SNTG1: variants seen among roughly 807,000 people sequenced by gnomAD.
The protein encoded by SNTG1 is syntrophin gamma 1.
Under a neutral mutation model 74.7 loss-of-function variants are expected in SNTG1, and 39 were observed. The observed-to-expected ratio is 0.52, with a 90% CI of 0.40 to 0.68. SNTG1 has a LOEUF of 0.68. SNTG1 is among the 30% of genes least tolerant of loss of function. The pLI is 0.00. For missense variants in SNTG1, 685 were observed against 609.5 expected, an observed-to-expected ratio of 1.12 and a Z score of -1.30; for synonymous variants, 254 against 217.1, an observed-to-expected ratio of 1.17 and a Z score of -1.49.
chr8:50,481,542 G>A (rs930022646), intron 8 of SNTG1, among the ~76,000 whole-genome samples: 1 of 152,148 alleles, frequency 6.6e-6, no homozygotes, highest in Non-Finnish European at 1.5e-5. Flanking sequence ...TTAGTGAGTA[G>A]CAAATAATTA....
At chr8:50,068,583 G>A (rs187119349) in intron 1 of SNTG1, among the ~76,000 whole-genome samples, 27 of 152,176 alleles carry the variant, frequency 1.8e-4, no homozygotes, top group Admixed American at 6.5e-5. Flanking sequence ...AGGTTTTCCA[G>A]TCGCATGGAG....
At chr8:49,993,611 T>C (rs1165448714) in intron 1 of SNTG1, among the ~76,000 whole-genome samples, 2 of 101,486 alleles carry the variant, frequency 2.0e-5, no homozygotes, top group Admixed American at 2.2e-4. Flanking sequence ...CCTGTGTCCA[T>C]GTGTTCTCAT....
chr8:50,243,461 T>C (rs1476469954), intron 2 of SNTG1, among the ~76,000 whole-genome samples: 3 of 152,168 alleles, frequency 2.0e-5, no homozygotes, highest in Non-Finnish European at 4.4e-5. Context: ...ACTGTATCCA[T>C]CTTAGAAATA....
chr8:50,296,854 A>T (rs1055193739), intron 2 of SNTG1, among the ~76,000 whole-genome samples: 1 of 152,332 alleles, frequency 6.6e-6, no homozygotes, highest in African/African-American at 2.4e-5. Context: ...TGGGCATTAC[A>T]TCACATTTGA....
intron 1 of SNTG1, among the ~76,000 whole-genome samples, chr8:50,048,531 T>A (rs1462134093): frequency 6.6e-6 from 1 of 152,186 alleles, no homozygotes; most frequent in Non-Finnish European, 1.5e-5. Flanking sequence ...CTTAAATACT[T>A]TGATTTTTAA....
At position 50,150,404 on chromosome 8, in the gene SNTG1, G is replaced by T. The variant is rs1474690265; in HGVS notation, c.-102-22157G>T. On this transcript the variant is annotated intron_variant, in intron 1 of 18. Transcript: ENST00000642720. ...CTTTATTTCTTTCTCCTTCCTGATT[G>T]CCCTGGCCAGAACTTCCAACACTAT... Among the ~76,000 whole-genome samples, 3 of 152,176 alleles carry T rather than the reference G, an allele frequency of 2.0e-5. No individual in the cohort carries two copies. In the East Asian group the frequency reaches 5.8e-4, roughly 29 times the overall value.
intron 2 of SNTG1, among the ~76,000 whole-genome samples, chr8:50,177,188 A>G (rs531787402): frequency 1.1e-4 from 17 of 152,354 alleles, no homozygotes; most frequent in African/African-American, 4.1e-4. Context: ...TCAAAGCTGC[A>G]GAACAGAATT....
At chr8:50,189,249 A>T (rs1006646237) in intron 2 of SNTG1, among the ~76,000 whole-genome samples, 2 of 152,136 alleles carry the variant, frequency 1.3e-5, no homozygotes, top group South Asian at 2.1e-4. Context: ...GAAATATAGT[A>T]CTTTTTATTG....
intron 2 of SNTG1, among the ~76,000 whole-genome samples, chr8:50,252,404 C>A (rs2086682259): frequency 6.6e-6 from 1 of 151,860 alleles, no homozygotes; most frequent in Admixed American, 6.6e-5. Context: ...TTCATAAGAT[C>A]AACTAAACAA....
chr8:50,123,950 G>T (rs371319297), intron 1 of SNTG1, among the ~76,000 whole-genome samples: 1 of 142,016 alleles, frequency 7.0e-6, no homozygotes, highest in East Asian at 2.0e-4. Context: ...ATAATATAGG[G>T]TTTTCAGTGT....
chr8:50,294,444 T>C (rs1411393821), intron 2 of SNTG1, among the ~76,000 whole-genome samples: 1 of 152,220 alleles, frequency 6.6e-6, no homozygotes, highest in Non-Finnish European at 1.5e-5. Context: ...CATATAATTA[T>C]GGATACTGGC....
At chr8:50,324,952 TATATATA>T (rs2090680216) in intron 2 of SNTG1, among the ~76,000 whole-genome samples, 1 of 145,552 alleles carries the variant, frequency 6.9e-6, no homozygotes, top group South Asian at 2.1e-4. Flanking sequence ...TATATATATA[TATATATA>T]TATATATATA....
chr8:50,705,360 T>C (rs2131533900), intron 16 of SNTG1, among the ~76,000 whole-genome samples: 1 of 152,330 alleles, frequency 6.6e-6, no homozygotes, highest in East Asian at 1.9e-4. Context: ...AACTAATCAA[T>C]TGTATTCATA....
At chr8:50,640,267 C>T (rs572989027) in intron 13 of SNTG1, among the ~76,000 whole-genome samples, 1 of 152,074 alleles carries the variant, frequency 6.6e-6, no homozygotes, top group African/African-American at 2.4e-5. Flanking sequence ...TTCTTCCCTC[C>T]CCACTGTCCT....
At chr8:50,094,299 T>C (rs1464368222) in intron 1 of SNTG1, among the ~76,000 whole-genome samples, 2 of 152,154 alleles carry the variant, frequency 1.3e-5, no homozygotes, top group Non-Finnish European at 1.5e-5. Context: ...GAAGGCTTAC[T>C]TATTTACAAA....
intron 2 of SNTG1, among the ~76,000 whole-genome samples, chr8:50,210,068 C>A (rs535189972): frequency 6.6e-6 from 1 of 152,238 alleles, no homozygotes; most frequent in East Asian, 1.9e-4. Context: ...GGCACGAGAA[C>A]TACGTGAAGC....
chr8:49,948,196 T>C (rs1006222755), intron 1 of SNTG1, among the ~76,000 whole-genome samples: 12 of 152,150 alleles, frequency 7.9e-5, no homozygotes, highest in African/African-American at 2.7e-4. Flanking sequence ...CCTTTTAATC[T>C]CATAAAACCT....
At chr8:50,679,872 T>C (rs1313538896) in intron 15 of SNTG1, among the ~76,000 whole-genome samples, 4 of 152,108 alleles carry the variant, frequency 2.6e-5, no homozygotes, top group African/African-American at 9.7e-5. Context: ...TACAACTACA[T>C]ACAGTATGTA....
chr8:50,715,374 A>G (rs1052131717), intron 17 of SNTG1, among the ~76,000 whole-genome samples: 2 of 152,164 alleles, frequency 1.3e-5, no homozygotes, highest in Admixed American at 6.5e-5. Context: ...TGCTTTTATT[A>G]TTATTTAATG....
Sources: allele counts gnomAD v4.1 joint callset (sites outside exome capture counted in the v4.1 genomes callset), GRCh38; gene constraint gnomAD v4.1.1; transcripts MANE v1.5; gene names NCBI Gene and HGNC (gene_info 2026-07-23, HGNC 2026-07-21).